The following LMX1A variants were observed in gnomAD, a reference collection of about 807,000 sequenced individuals.
The protein encoded by LMX1A is LIM homeobox transcription factor 1 alpha.
LMX1A carries 15 observed loss-of-function variants against 49.1 expected under a neutral mutation model. The ratio of observed to expected loss-of-function variants is 0.31; its 90% confidence interval spans 0.20 to 0.47. The LOEUF is 0.47. Among genes scored for constraint, LMX1A ranks in the 20% least tolerant of loss-of-function variants. LMX1A has a pLI of 1.00. For missense variants in LMX1A, 372 were observed against 475.8 expected (o/e 0.78, Z 2.03); for synonymous variants, 167 against 185.7 (o/e 0.90, Z 0.82).
At chr1:165,342,021 T>C (rs545012448) in intron 3 of LMX1A, among the ~76,000 whole-genome samples, 15 of 152,352 alleles carry the variant, frequency 9.8e-5, no homozygotes, top group African/African-American at 3.6e-4. Flanking sequence ...TTTACAAACA[T>C]TAAATTCAGA....
chr1:165,288,427 C>A (rs1382832527), intron 3 of LMX1A, among the ~76,000 whole-genome samples: 6 of 152,128 alleles, frequency 3.9e-5, no homozygotes, highest in African/African-American at 1.4e-4. Flanking sequence ...TTATTTCTCC[C>A]CAGGGATTTA....
At chr1:165,353,887 C>G (rs763191590) in intron 2 of LMX1A, among the ~76,000 whole-genome samples, 2 of 152,064 alleles carry the variant, frequency 1.3e-5, no homozygotes, top group Admixed American at 6.5e-5. Flanking sequence ...AACTAAGAAG[C>G]GTCAAAACAG....
At chr1:165,219,909 G>A (rs757414510) in intron 4 of LMX1A, among the ~76,000 whole-genome samples, 1 of 152,226 alleles carries the variant, frequency 6.6e-6, no homozygotes, top group Non-Finnish European at 1.5e-5. Context: ...ACTGTGCAGA[G>A]GAGTTAAGAG....
intron 3 of LMX1A, among the ~76,000 whole-genome samples, chr1:165,312,320 T>A (rs1329662698): frequency 6.6e-6 from 1 of 152,216 alleles, no homozygotes; most frequent in Non-Finnish European, 1.5e-5. Flanking sequence ...CTGCCCCTAT[T>A]TGCTGTTGCT....
intron 3 of LMX1A, among the ~76,000 whole-genome samples, chr1:165,284,690 AT>A (rs1293438244): frequency 1.3e-5 from 2 of 151,928 alleles, no homozygotes; most frequent in African/African-American, 4.8e-5. Flanking sequence ...TTTCAGCAAG[AT>A]TTATAGGCTT....
chr1:165,230,710 C>T (rs1652209481), intron 4 of LMX1A, among the ~76,000 whole-genome samples: 1 of 152,234 alleles, frequency 6.6e-6, no homozygotes, highest in African/African-American at 2.4e-5. Context: ...TTCACATTCA[C>T]ATTTCCTCGG....
At chr1:165,275,109 A>G (rs1653924851) in intron 3 of LMX1A, among the ~76,000 whole-genome samples, 1 of 152,112 alleles carries the variant, frequency 6.6e-6, no homozygotes, top group African/African-American at 2.4e-5. Context: ...GATGAAAGGA[A>G]CCCTATGGTT....
chr1:165,224,101 T>C (rs1651951431), intron 4 of LMX1A, among the ~76,000 whole-genome samples: 1 of 152,192 alleles, frequency 6.6e-6, no homozygotes, highest in African/African-American at 2.4e-5. Flanking sequence ...GTTGTCATGA[T>C]GATAGTGAGT....
chr1:165,295,878 T>G (rs6699819), intron 3 of LMX1A, among the ~76,000 whole-genome samples: 132,611 of 152,114 alleles, frequency 0.87, 57,866 homozygotes, highest in Middle Eastern at 0.92. Context: ...AAATCGAACA[T>G]ATGGGCCTGG....
chr1:165,202,489 T>C lies in LMX1A; in HGVS notation c.*1391A>G, dbSNP rs1650888663. ...CTAAAACAAGGGGCCCCAAACTTTT[T>C]CTGTAAGGGCCAGACAATACAGATA... is the stretch of plus-strand genomic sequence containing the variant. On this transcript the variant is annotated 3_prime_UTR_variant, in exon 9 of 9. Transcript: ENST00000342310. The C allele has an allele frequency of 6.6e-6, 1 of 151,940 alleles. No homozygotes were observed. Among genetic ancestry groups the C allele is most frequent in the Admixed American group, 6.6e-5 (1 of 15,224 alleles). 9.4% of individuals were successfully genotyped at this position (151,940 alleles called of 1,614,324 possible).
chr1:165,261,939 A>T (rs949871859), intron 3 of LMX1A, among the ~76,000 whole-genome samples: 1 of 152,242 alleles, frequency 6.6e-6, no homozygotes, highest in Non-Finnish European at 1.5e-5. Flanking sequence ...ATGTGGATAG[A>T]CAGTGGTGAT....
At chr1:165,245,677 T>C (rs1174600468) in intron 4 of LMX1A, among the ~76,000 whole-genome samples, 1 of 151,842 alleles carries the variant, frequency 6.6e-6, no homozygotes, top group Non-Finnish European at 1.5e-5. Flanking sequence ...TTAGGGACAC[T>C]GTAGTTCTAT....
chr1:165,299,597 CAGA>C (rs1654715222), intron 3 of LMX1A, among the ~76,000 whole-genome samples: 1 of 152,078 alleles, frequency 6.6e-6, no homozygotes, highest in Non-Finnish European at 1.5e-5. Context: ...TACTGAAATC[CAGA>C]AGGTTTAGTA....
intron 4 of LMX1A, among the ~76,000 whole-genome samples, chr1:165,221,706 G>A (rs1287535871): frequency 3.3e-5 from 5 of 152,162 alleles, no homozygotes; most frequent in Non-Finnish European, 7.3e-5. Flanking sequence ...CTGGCAGCCC[G>A]CCACGGCCTG....
At chr1:165,324,428 T>C (rs944726284) in intron 3 of LMX1A, among the ~76,000 whole-genome samples, 1 of 152,152 alleles carries the variant, frequency 6.6e-6, no homozygotes, top group African/African-American at 2.4e-5. Context: ...ATTTTGGCCA[T>C]GAGTCTCAAA....
chr1:165,205,823 A>C (rs201809062), intron 8 of LMX1A, 41 bp downstream of exon 8: 1 of 1,597,194 alleles, frequency 6.3e-7, no homozygotes, highest in Non-Finnish European at 8.6e-7. Flanking sequence ...AGAAACCCAC[A>C]CAAGTTATGA....
At chr1:165,210,170 G>A (rs575937747) in intron 6 of LMX1A, among the ~76,000 whole-genome samples, 7 of 152,322 alleles carry the variant, frequency 4.6e-5, no homozygotes, top group African/African-American at 9.6e-5. Flanking sequence ...TTAGAGGTAG[G>A]TAGATGAATG....
intron 3 of LMX1A, among the ~76,000 whole-genome samples, chr1:165,306,893 C>T (rs1024091673): frequency 6.6e-6 from 1 of 152,220 alleles, no homozygotes; most frequent in Non-Finnish European, 1.5e-5. Flanking sequence ...CACCCTCCTC[C>T]GCCTCCCCCT....
At chr1:165,334,427 A>G (rs538582454) in intron 3 of LMX1A, among the ~76,000 whole-genome samples, 1 of 152,326 alleles carries the variant, frequency 6.6e-6, no homozygotes, top group Non-Finnish European at 1.5e-5. Flanking sequence ...CATCTCATTT[A>G]AAACTCAAAA....
Sources: allele counts gnomAD v4.1 joint callset (sites outside exome capture counted in the v4.1 genomes callset), GRCh38; gene constraint gnomAD v4.1.1; transcripts MANE v1.5; gene names NCBI Gene and HGNC (gene_info 2026-07-23, HGNC 2026-07-21).